Variants in ZBTB20 observed in about 807,000 individuals in gnomAD.
ZBTB20 encodes the protein zinc finger and BTB domain-containing protein 20.
In ZBTB20, 9 loss-of-function variants were observed where a neutral mutation model predicts 56.9. That is an observed-to-expected ratio of 0.16 (90% CI 0.10 to 0.28). The LOEUF (loss-of-function observed/expected upper bound fraction) is 0.28, where lower values mean the gene tolerates loss of function less well. Ranked by LOEUF, ZBTB20 falls within the 10% of genes least tolerant of loss-of-function variation. ZBTB20 has a pLI of 1.00. For synonymous variants in ZBTB20, 417 were observed against 420.7 expected (o/e 0.99, Z 0.11); for missense variants, 655 against 1,003.0 (o/e 0.65, Z 4.69).
intron 11 of ZBTB20, among the ~76,000 whole-genome samples, chr3:114,344,460 T>C (rs2108134102): frequency 6.6e-6 from 1 of 152,362 alleles, no homozygotes; most frequent in Middle Eastern, 3.4e-3. Context: ...CTCTGGATTA[T>C]GCTGCAAAAT....
chr3:114,440,785 T>C (rs1460531695), intron 7 of ZBTB20, among the ~76,000 whole-genome samples: 1 of 152,148 alleles, frequency 6.6e-6, no homozygotes, highest in Non-Finnish European at 1.5e-5. Flanking sequence ...AAGGAAGAGC[T>C]TTTTGGAGGC....
chr3:114,925,031 T>C (rs2076102025), intron 3 of ZBTB20, among the ~76,000 whole-genome samples: 2 of 148,426 alleles, frequency 1.3e-5, no homozygotes, highest in Admixed American at 6.9e-5. Flanking sequence ...GTCGCCAGGA[T>C]GGAGTGCAGT....
At chr3:115,109,663 C>T (rs1383136876) in intron 1 of ZBTB20, among the ~76,000 whole-genome samples, 1 of 151,878 alleles carries the variant, frequency 6.6e-6, no homozygotes, top group Non-Finnish European at 1.5e-5. Flanking sequence ...TAAAATTACT[C>T]CAAAAATTAT....
chr3:114,622,384 G>T (rs3732479), intron 6 of ZBTB20, among the ~76,000 whole-genome samples: 21,659 of 151,852 alleles, frequency 0.14, 1,801 homozygotes, highest in Admixed American at 0.25. Flanking sequence ...GTCCTAACAC[G>T]AGCTAACTAC....
chr3:114,731,732 C>T (rs988431583), intron 5 of ZBTB20, among the ~76,000 whole-genome samples: 18 of 151,850 alleles, frequency 1.2e-4, no homozygotes, highest in African/African-American at 3.9e-4. Context: ...GTAACTAACC[C>T]GGCTGTACCT....
chr3:114,321,847 A>T lies in ZBTB20; in HGVS notation c.*17158T>A, dbSNP rs1244430503. 1 of 152,234 alleles carries T rather than the reference A, an allele frequency of 6.6e-6. No homozygotes were observed. The highest frequency in any genetic ancestry group is 1.5e-5 in the Non-Finnish European group (1 of 68,064). The allele number at this position is 152,234 out of a possible 1,614,324, so 9.4% of individuals were successfully genotyped here. A position where few individuals can be genotyped will look rare whatever the true frequency, so the allele number is the denominator to read the frequency against. On this transcript the variant is annotated 3_prime_UTR_variant, in exon 12 of 12. Coordinates refer to ENST00000675478, the MANE Select transcript of ZBTB20 (RefSeq NM_001348800.3). ...AGCAATATCCTGTCCCTTCATCCTA[A>T]GTGGATACTGTCCCTTCAAACCTCC...
intron 1 of ZBTB20, among the ~76,000 whole-genome samples, chr3:115,120,024 G>A (rs530407661): frequency 1.3e-5 from 2 of 152,196 alleles, no homozygotes; most frequent in African/African-American, 2.4e-5. Flanking sequence ...AGGGGCTGGG[G>A]GAGAGAGGGA....
chr3:114,500,036 G>A (rs2043766953), intron 7 of ZBTB20, among the ~76,000 whole-genome samples: 1 of 152,196 alleles, frequency 6.6e-6, no homozygotes, highest in Non-Finnish European at 1.5e-5. Flanking sequence ...AAGCCCAACT[G>A]TTGCTGGTAT....
At chr3:114,442,235 A>C (rs1203298814) in intron 7 of ZBTB20, among the ~76,000 whole-genome samples, 1 of 152,154 alleles carries the variant, frequency 6.6e-6, no homozygotes. Flanking sequence ...GGACTCAGGC[A>C]CTCTTCTCTT....
At chr3:115,139,516 T>C (rs1560602138) in intron 1 of ZBTB20, among the ~76,000 whole-genome samples, 3 of 152,036 alleles carry the variant, frequency 2.0e-5, no homozygotes, top group Admixed American at 6.6e-5. Context: ...TATGTAAATC[T>C]ATCTGTGCAT....
intron 6 of ZBTB20, among the ~76,000 whole-genome samples, chr3:114,549,451 A>AT (rs879814769): frequency 2.0e-5 from 3 of 151,980 alleles, no homozygotes; most frequent in Admixed American, 6.6e-5. Context: ...TTTACTGCTA[A>AT]TTTTTTTTCA....
chr3:115,134,124 T>C (rs754044291), intron 1 of ZBTB20, among the ~76,000 whole-genome samples: 3 of 152,228 alleles, frequency 2.0e-5, no homozygotes, highest in Non-Finnish European at 4.4e-5. Flanking sequence ...TCCCTCTTCC[T>C]TAATAACAAA....
chr3:114,777,624 G>A (rs922125308), intron 5 of ZBTB20, among the ~76,000 whole-genome samples: 1 of 152,140 alleles, frequency 6.6e-6, no homozygotes, highest in African/African-American at 2.4e-5. Flanking sequence ...TGGATAAATA[G>A]GAACACTTTT....
At chr3:114,891,096 G>A (rs2076790174) in intron 4 of ZBTB20, among the ~76,000 whole-genome samples, 1 of 152,022 alleles carries the variant, frequency 6.6e-6, no homozygotes, top group South Asian at 2.1e-4. Flanking sequence ...TGGCAAATGG[G>A]TTTCCTATTA....
chr3:115,040,534 T>C (rs1466672683), intron 2 of ZBTB20, among the ~76,000 whole-genome samples: 1 of 152,060 alleles, frequency 6.6e-6, no homozygotes, highest in Non-Finnish European at 1.5e-5. Context: ...CTCAGAGGCA[T>C]GAAAGTACAT....
intron 4 of ZBTB20, among the ~76,000 whole-genome samples, chr3:114,843,479 T>C (rs893446872): frequency 5.9e-5 from 9 of 152,228 alleles, no homozygotes; most frequent in African/African-American, 2.2e-4. Context: ...AGCTAGGTCT[T>C]CATTCTGGTC....
intron 6 of ZBTB20, among the ~76,000 whole-genome samples, chr3:114,628,584 C>A (rs2058767333): frequency 6.6e-6 from 1 of 152,108 alleles, no homozygotes; most frequent in East Asian, 1.9e-4. Flanking sequence ...TATTTCACCT[C>A]CACCACCCAT....
At chr3:114,693,632 A>G (rs1358045695) in intron 5 of ZBTB20, 57 bp from the exon 6 acceptor site, 1 of 152,178 alleles carries the variant, frequency 6.6e-6, no homozygotes, top group East Asian at 1.9e-4. Flanking sequence ...AATGTATGAT[A>G]ACATGGTAAT....
chr3:114,369,549 A>T (rs2082776155), intron 10 of ZBTB20, among the ~76,000 whole-genome samples: 1 of 152,234 alleles, frequency 6.6e-6, no homozygotes. Context: ...CGTTTGATTC[A>T]GTTGGTTCCA....
Sources: gnomAD v4.1 joint callset for allele counts (sites outside exome capture counted in the v4.1 genomes callset) on GRCh38, gnomAD v4.1.1 for gene constraint, MANE v1.5 for transcripts, NCBI Gene and HGNC (gene_info 2026-07-23, HGNC 2026-07-21) for gene names.